The following PHLDB2 variants were observed in gnomAD, a reference collection of about 807,000 sequenced individuals.
The protein encoded by PHLDB2 is pleckstrin homology-like domain family B member 2.
In PHLDB2, 71 loss-of-function variants were observed where a neutral mutation model predicts 123.6. That is an observed-to-expected ratio of 0.57 (90% CI 0.47 to 0.70). The LOEUF is 0.70. Ranked by LOEUF, PHLDB2 falls within the 30% of genes least tolerant of loss-of-function variation. The pLI is 0.00. For missense variants in PHLDB2, 1,446 were observed against 1,519.5 expected (o/e 0.95, Z 0.80); for synonymous variants, 547 against 541.6 (o/e 1.01, Z -0.14).
chr3:111,828,611 G>A (rs1243294433), intron 1 of PHLDB2, among the ~76,000 whole-genome samples: 1 of 152,096 alleles, frequency 6.6e-6, no homozygotes, highest in Admixed American at 6.6e-5. Context: ...ACAACACAGG[G>A]AGACCCTGTC....
intron 2 of PHLDB2, among the ~76,000 whole-genome samples, chr3:111,909,229 A>C (rs2067732897): frequency 6.6e-6 from 1 of 152,128 alleles, no homozygotes; most frequent in Admixed American, 6.5e-5. Flanking sequence ...CCCATCTGTG[A>C]ACTCATAGGT....
Position 111,867,377 on chromosome 3 carries a change from G to C in PHLDB2, c.-15+7801G>C, listed in dbSNP as rs569556731. On this transcript the variant is annotated intron_variant, in intron 1 of 17. Transcript: ENST00000431670. ...GCTTTTTTAAAAGATACTTTATCAT[G>C]AAAAATATTAAACTACACAAAAATT... Among the ~76,000 whole-genome samples, 4 of 152,030 alleles carry C rather than the reference G, an allele frequency of 2.6e-5. No homozygotes were observed. The South Asian group carries it at 8.3e-4, about 32-fold the overall frequency.
At chr3:111,903,136 A>C (rs2107456364) in intron 2 of PHLDB2, among the ~76,000 whole-genome samples, 1 of 152,322 alleles carries the variant, frequency 6.6e-6, no homozygotes, top group Admixed American at 6.5e-5. Flanking sequence ...TGAGTAAGGC[A>C]GGATATGAGA....
chr3:111,918,204 T>C (rs1380201431), intron 3 of PHLDB2, among the ~76,000 whole-genome samples: 1 of 152,212 alleles, frequency 6.6e-6, no homozygotes, highest in African/African-American at 2.4e-5. Context: ...GTGTGTGTGA[T>C]CTACAATATT....
chr3:111,880,249 A>G (rs1460921036), intron 1 of PHLDB2, among the ~76,000 whole-genome samples: 5 of 152,118 alleles, frequency 3.3e-5, no homozygotes, highest in African/African-American at 9.7e-5. Context: ...TCCATAGGGT[A>G]CCATAATGAG....
At chr3:111,843,399 AT>A (rs1389203697) in intron 1 of PHLDB2, among the ~76,000 whole-genome samples, 2 of 152,032 alleles carry the variant, frequency 1.3e-5, no homozygotes, top group Non-Finnish European at 2.9e-5. Context: ...GAGTATTTTG[AT>A]TTTTTTATTA....
At chr3:111,891,770 T>A (rs574801725) in intron 2 of PHLDB2, among the ~76,000 whole-genome samples, 23 of 152,296 alleles carry the variant, frequency 1.5e-4, no homozygotes, top group African/African-American at 5.5e-4. Context: ...ATTCATCCTA[T>A]TTGACACCTG....
intron 5 of PHLDB2, among the ~76,000 whole-genome samples, chr3:111,931,575 G>A (rs1214577293): frequency 1.3e-5 from 2 of 151,928 alleles, no homozygotes; most frequent in Non-Finnish European, 2.9e-5. Context: ...CTGTATTTCC[G>A]CAGTCCCCGT....
intron 5 of PHLDB2, among the ~76,000 whole-genome samples, chr3:111,926,981 A>G (rs568499204): frequency 6.6e-6 from 1 of 152,282 alleles, no homozygotes; most frequent in East Asian, 1.9e-4. Flanking sequence ...ATATAGTATC[A>G]TGGACGTATG....
At chr3:111,919,942 C>CAAAG (rs58861906) in intron 4 of PHLDB2, among the ~76,000 whole-genome samples, 149,688 of 152,132 alleles carry the variant, frequency 0.98, 73,693 homozygotes, top group East Asian at 1. Flanking sequence ...GCTCTAGGGA[C>CAAAG]AAAGAAAGAC....
At chr3:111,894,397 A>C (rs1310071654) in intron 2 of PHLDB2, among the ~76,000 whole-genome samples, 1 of 151,864 alleles carries the variant, frequency 6.6e-6, no homozygotes, top group Non-Finnish European at 1.5e-5. Context: ...TTATAGCAGC[A>C]TGATTTATAG....
In PHLDB2 at chr3:111,884,819, C is replaced by T; in HGVS notation, c.742C>T (p.His248Tyr). The T allele has an allele frequency of 1.2e-6, 2 of 1,614,106 alleles. No homozygotes were observed. Among genetic ancestry groups the T allele is most frequent in the Non-Finnish European group, 8.5e-7 (1 of 1,180,012 alleles). The change falls in exon 2 of 18, where the codon CAC (histidine) becomes TAC (tyrosine). Residue 248 changes from histidine to tyrosine, a missense_variant. Physicochemically the swap from His to Tyr is moderately conservative, Grantham distance 83. Transcript: ENST00000431670. ...TRKYSSSSLS[H>Y]MGAYSRSLPR... ...GAAGTACTCCAGCAGCAGCCTGAGT[C>T]ACATGGGAGCCTACAGCCGATCACT... is the stretch of plus-strand genomic sequence containing the variant.
rs1035098717 is a variant in PHLDB2 at position 111,974,630 on chromosome 3, C to G, written c.*67C>G. ...TCTCTTACAAGAATGAAGCCATATT[C>G]AACCCCAGATGAGAAAACCCAACAG... On this transcript the variant is annotated 3_prime_UTR_variant, in exon 18 of 18. Transcript: ENST00000431670. 1 of 1,444,838 alleles carries G rather than the reference C, an allele frequency of 6.9e-7. No homozygotes were observed. Among genetic ancestry groups the G allele is most frequent in the Non-Finnish European group, 9.2e-7 (1 of 1,086,982 alleles). 89.5% of individuals were successfully genotyped at this position (1,444,838 alleles called of 1,614,324 possible).
intron 1 of PHLDB2, among the ~76,000 whole-genome samples, chr3:111,879,213 G>T (rs1162741492): frequency 6.6e-6 from 1 of 152,108 alleles, no homozygotes; most frequent in African/African-American, 2.4e-5. Context: ...GCTACTAATT[G>T]CTGCCTCAAT....
In PHLDB2 at chr3:111,751,675, G is replaced by A. The variant is rs536693640; in HGVS notation, c.-49+18972G>A. Among the ~76,000 whole-genome samples the A allele has an allele frequency of 3.0e-4, 42 of 141,972 alleles. No individual in the cohort carries two copies. In the South Asian group the frequency reaches 4.7e-3, roughly 16 times the overall value. The allele number at this position is 141,972 out of a possible 152,430, so 93.1% of individuals were successfully genotyped here. On this transcript the variant is annotated intron_variant, in intron 1 of 17. Coordinates refer to the PHLDB2 transcript ENST00000393923. ...GCCTAGGAAAAATTTAAATGCCAAG[G>A]AGGTAAAGAGATTTTGCTGGGGGGA...
At chr3:111,895,991 A>G (rs577960554) in intron 2 of PHLDB2, among the ~76,000 whole-genome samples, 39 of 152,116 alleles carry the variant, frequency 2.6e-4, no homozygotes, top group African/African-American at 8.9e-4. Flanking sequence ...TAGTATATCT[A>G]TATTTATTTA....
intron 9 of PHLDB2, among the ~76,000 whole-genome samples, chr3:111,947,513 T>C (rs1447343980): frequency 1.3e-5 from 2 of 152,308 alleles, no homozygotes; most frequent in East Asian, 3.9e-4. Context: ...ATAACCTCTT[T>C]TAAAGACCTC....
upstream of PHLDB2, chr3:111,859,076 A>G (rs1414605306): frequency 1.5e-6 from 1 of 688,664 alleles, no homozygotes; most frequent in Non-Finnish European, 1.8e-6. Context: ...CCGTTCTCCA[A>G]GGATTTTGCA....
At chr3:111,829,054 A>G (rs2062807478) in intron 1 of PHLDB2, among the ~76,000 whole-genome samples, 1 of 152,146 alleles carries the variant, frequency 6.6e-6, no homozygotes, top group Non-Finnish European at 1.5e-5. Flanking sequence ...CTAATTTCCA[A>G]ATGTTTTTCT....
Sources: gnomAD v4.1 joint callset for allele counts (sites outside exome capture counted in the v4.1 genomes callset) on GRCh38, gnomAD v4.1.1 for gene constraint, MANE v1.5 for transcripts, NCBI Gene and HGNC (gene_info 2026-07-23, HGNC 2026-07-21) for gene names.